MGAT4C: variants seen among roughly 807,000 people sequenced by gnomAD.
MGAT4C encodes MGAT4 family member C.
MGAT4C carries 19 observed loss-of-function variants against 40.1 expected under a neutral mutation model. The observed-to-expected ratio is 0.47, with a 90% CI of 0.33 to 0.70. MGAT4C has a LOEUF of 0.70. Ranked by LOEUF, MGAT4C falls within the 30% of genes least tolerant of loss-of-function variation. MGAT4C has a pLI of 0.02. For missense variants in MGAT4C, 491 were observed against 563.2 expected, an observed-to-expected ratio of 0.87 and a Z score of 1.30; for synonymous variants, 181 against 187.1, an observed-to-expected ratio of 0.97 and a Z score of 0.27.
intron 3 of MGAT4C, among the ~76,000 whole-genome samples, chr12:86,400,578 A>G (rs1592793268): frequency 6.6e-6 from 1 of 152,238 alleles, no homozygotes; most frequent in Admixed American, 6.5e-5. Flanking sequence ...ACAGAGAAGC[A>G]TTTGTTCCTG....
intron 2 of MGAT4C, among the ~76,000 whole-genome samples, chr12:86,502,608 T>A (rs1475429907): frequency 1.4e-5 from 1 of 69,770 alleles, no homozygotes; most frequent in Non-Finnish European, 3.8e-5. Flanking sequence ...GGTGAAGTTA[T>A]ATATATATGT....
chr12:86,526,778 G>T (rs115602856), intron 2 of MGAT4C, among the ~76,000 whole-genome samples: 33 of 152,176 alleles, frequency 2.2e-4, no homozygotes, highest in African/African-American at 7.7e-4. Flanking sequence ...ACACCAAACC[G>T]TTTGGGTTCC....
At chr12:86,258,963 T>C (rs1271803692), upstream of MGAT4C, among the ~76,000 whole-genome samples, 1 of 151,948 alleles carries the variant, frequency 6.6e-6, no homozygotes, top group Non-Finnish European at 1.5e-5. Context: ...TGTATTTATT[T>C]ATTAGGACAG....
chr12:86,709,582 G>A (rs990489388), intron 2 of MGAT4C, among the ~76,000 whole-genome samples: 5 of 151,814 alleles, frequency 3.3e-5, no homozygotes, highest in Non-Finnish European at 5.9e-5. Flanking sequence ...TTTTACATAT[G>A]TATGTATGTA....
chr12:86,666,668 A>G (rs1275735135), intron 2 of MGAT4C, among the ~76,000 whole-genome samples: 1 of 152,202 alleles, frequency 6.6e-6, no homozygotes, highest in Non-Finnish European at 1.5e-5. Flanking sequence ...GCCAATTAGA[A>G]ACATCAACAT....
intron 2 of MGAT4C, among the ~76,000 whole-genome samples, chr12:86,504,586 T>C (rs377764200): frequency 6.6e-6 from 1 of 152,194 alleles, no homozygotes; most frequent in African/African-American, 2.4e-5. Flanking sequence ...GTCCAGTCAA[T>C]CTAAATTCAG....
intron 4 of MGAT4C, among the ~76,000 whole-genome samples, chr12:86,287,175 C>T (rs539059969): frequency 6.6e-5 from 10 of 151,984 alleles, no homozygotes; most frequent in Admixed American, 1.3e-4. Flanking sequence ...TTTCCCAAAG[C>T]GGTGAACTAA....
At chr12:86,528,367 A>C (rs1958920048) in intron 2 of MGAT4C, among the ~76,000 whole-genome samples, 1 of 152,072 alleles carries the variant, frequency 6.6e-6, no homozygotes. Flanking sequence ...AAGGGATTTT[A>C]TATCTTTAAG....
At chr12:86,224,667 T>C (rs900619645) in intron 1 of MGAT4C, among the ~76,000 whole-genome samples, 5 of 152,104 alleles carry the variant, frequency 3.3e-5, no homozygotes, top group African/African-American at 1.2e-4. Context: ...AGTATACAAA[T>C]ATGTGGAAAC....
chr12:86,704,040 G>T (rs1950410470), intron 2 of MGAT4C, among the ~76,000 whole-genome samples: 1 of 151,844 alleles, frequency 6.6e-6, no homozygotes, highest in African/African-American at 2.4e-5. Flanking sequence ...GACTTTTATA[G>T]CAAATATGTA....
intron 3 of MGAT4C, among the ~76,000 whole-genome samples, chr12:86,381,625 C>T (rs1298548298): frequency 6.6e-6 from 1 of 152,174 alleles, no homozygotes; most frequent in African/African-American, 2.4e-5. Context: ...GACACACACA[C>T]AAAAATGCTT....
chr12:86,054,439 AG>A (rs1374779216), intron 1 of MGAT4C, among the ~76,000 whole-genome samples: 1 of 152,002 alleles, frequency 6.6e-6, no homozygotes, highest in African/African-American at 2.4e-5. Flanking sequence ...GTGTGGAGAT[AG>A]AAAGATGTTC....
intron 3 of MGAT4C, among the ~76,000 whole-genome samples, chr12:86,411,863 G>T (rs1956613082): frequency 2.0e-5 from 3 of 152,094 alleles, no homozygotes; most frequent in South Asian, 2.1e-4. Flanking sequence ...CCAGACTCAG[G>T]GCCTCACTAC....
At chr12:86,275,967 A>G (rs1190325375) in intron 4 of MGAT4C, among the ~76,000 whole-genome samples, 1 of 144,210 alleles carries the variant, frequency 6.9e-6, no homozygotes, top group Non-Finnish European at 1.5e-5. Context: ...AAAAAAAAAA[A>G]AAAAAATTAG....
At chr12:86,756,417 C>A (rs149374550) in intron 1 of MGAT4C, among the ~76,000 whole-genome samples, 1 of 136,718 alleles carries the variant, frequency 7.3e-6, no homozygotes, top group Non-Finnish European at 1.6e-5. Context: ...CTGCAACATA[C>A]GATTTTTTTT....
intron 4 of MGAT4C, among the ~76,000 whole-genome samples, chr12:86,263,581 G>A (rs1952712246): frequency 6.6e-6 from 1 of 152,088 alleles, no homozygotes; most frequent in East Asian, 1.9e-4. Context: ...ATCTATTGAT[G>A]ACACTTAAGT....
chr12:86,616,449 G>C (rs1385584462), intron 2 of MGAT4C, among the ~76,000 whole-genome samples: 1 of 152,112 alleles, frequency 6.6e-6, no homozygotes, highest in South Asian at 2.1e-4. Flanking sequence ...ACCCTTGTAA[G>C]AATGAGAGCA....
chr12:86,686,055 A>AT (rs1950067238), intron 2 of MGAT4C, among the ~76,000 whole-genome samples: 3 of 146,832 alleles, frequency 2.0e-5, no homozygotes, highest in Non-Finnish European at 4.5e-5. Flanking sequence ...TTTTTTTTGT[A>AT]TTTTTAGTAG....
chr12:86,675,972 C>CAAAAA (rs56178472), intron 2 of MGAT4C, among the ~76,000 whole-genome samples: 3 of 145,364 alleles, frequency 2.1e-5, no homozygotes, highest in Non-Finnish European at 4.5e-5. Context: ...GATAAAAAAG[C>CAAAAA]AAAAAAAAAA....
Sources: gnomAD v4.1 joint callset for allele counts (sites outside exome capture counted in the v4.1 genomes callset) on GRCh38, gnomAD v4.1.1 for gene constraint, MANE v1.5 for transcripts, NCBI Gene and HGNC (gene_info 2026-07-23, HGNC 2026-07-21) for gene names.